Variants in MMRN2 observed in about 807,000 individuals in gnomAD.
MMRN2 encodes the protein multimerin 2, also known as multimerin-2.
A neutral mutation model predicts 68.8 loss-of-function variants in MMRN2; 53 were observed. That is an observed-to-expected ratio of 0.77 (90% confidence interval 0.62 to 0.97). MMRN2 has a LOEUF of 0.97. Ranked by LOEUF, MMRN2 falls within the 50% of genes least tolerant of loss-of-function variation. MMRN2 has a pLI of 0.00. For synonymous variants in MMRN2, 564 were observed against 551.6 expected (o/e 1.02, Z -0.32); for missense variants, 1,266 against 1,259.5 (o/e 1.01, Z -0.08).
rs750415616 is a variant in MMRN2, at chr10:86,936,887, C to A, written c.2706G>T (p.Gln902His). 10 of 1,614,244 alleles carry A rather than the reference C, an allele frequency of 6.2e-6. No homozygotes were observed. The South Asian group carries it at 8.8e-5, about 14-fold the overall frequency. ...AGACCGTTGCTGTGCTTCCACTCCCCTGCCCAGTGGTACAGACTGGAGTCC... is the reference window on the plus strand; with the variant it reads ...AGACCGTTGCTGTGCTTCCACTCCCATGCCCAGTGGTACAGACTGGAGTCC... ...HHRTPVCTTG[Q>H]GSGSTATVFA... is the part of the protein sequence containing the mutation. Residue 902 changes from glutamine (Q) to histidine (H), a missense_variant, in exon 7 of 7, where the codon CAG (glutamine) becomes CAT (histidine). Gln to His is a conservative substitution (Grantham distance 24). Coordinates refer to ENST00000372027, the MANE Select transcript of MMRN2 (RefSeq NM_024756.3).
At position 86,936,831 on chromosome 10, in the gene MMRN2, C is replaced by T. The variant is rs546562967; in HGVS notation, c.2762G>A (p.Arg921Gln). Residue 921 changes from arginine to glutamine, a missense_variant, in exon 7 of 7, where the codon CGA becomes CAA. Transcript: ENST00000372027. ...FAMAELQKGE[R>Q]VWFELTQGSI... ...TCCCTGGGTTAACTCAAACCATACT[C>T]GCTCACCCTTCTGCAGCTCAGCCAT... 14 of 1,614,216 alleles carry T rather than the reference C, an allele frequency of 8.7e-6. No individual in the cohort carries two copies. Among genetic ancestry groups the T allele is most frequent in the East Asian group, 6.7e-5 (3 of 44,890 alleles).
In MMRN2 at chr10:86,943,315, T is replaced by C; in HGVS notation, c.1469A>G (p.Lys490Arg). 2.5e-6 allele frequency: 4 copies of C among 1,613,874 alleles called. No homozygotes were observed. The highest frequency in any genetic ancestry group is 3.4e-6 in the Non-Finnish European group (4 of 1,180,000). ...GGHADLIKYV[K>R]DCNCQKLYLD... ...ATAGAGCTTCTGGCAATTGCAGTCC[T>C]TCACGTACTTGATGAGGTCGGCATG... Residue 490 changes from lysine (K) to arginine (R), a missense_variant, in exon 6 of 7, where the codon AAG (lysine) becomes AGG (arginine). Coordinates refer to ENST00000372027, the MANE Select transcript of MMRN2 (RefSeq NM_024756.3). The surrounding 1 kb of genome is among the most constrained non-coding windows in gnomAD (Gnocchi z 4.2).
chr10:86,950,006 A>T (rs1589305670), intron 1 of MMRN2: 2 of 151,972 alleles, frequency 1.3e-5, no homozygotes, highest in East Asian at 3.9e-4. Context: ...ATTTGAGACC[A>T]GCCTGGGCAA....
Position 86,944,357 on chromosome 10 carries a change from T to A in MMRN2, c.560A>T (p.Asp187Val). The change falls in exon 5 of 7, where the codon GAT becomes GTT. Residue 187 changes from aspartate to valine, a missense_variant. Asp to Val is a radical substitution (Grantham distance 152). Coordinates refer to ENST00000372027, the MANE Select transcript of MMRN2 (RefSeq NM_024756.3). ...CAGGCTGTCTGCCACCCGGTGCACA[T>A]CATTCTGGAGATCTCCCAGCAGATG... The part of the protein sequence containing the change: ...QEHLLGDLQN[D>V]VHRVADSLPG... 1 of 1,614,028 alleles carries A rather than the reference T, an allele frequency of 6.2e-7. No homozygotes were observed. Among genetic ancestry groups the A allele is most frequent in the Non-Finnish European group, 8.5e-7 (1 of 1,180,030 alleles).
chr10:86,948,403 T>A (rs1844100073), intron 1 of MMRN2, among the ~76,000 whole-genome samples: 3 of 149,092 alleles, frequency 2.0e-5, no homozygotes, highest in South Asian at 2.2e-4. Flanking sequence ...AAAAAACAAA[T>A]GAGGGGGAGA....
chr10:86,944,827 T>C (rs1453864361), intron 4 of MMRN2, among the ~76,000 whole-genome samples: 1 of 152,158 alleles, frequency 6.6e-6, no homozygotes, highest in East Asian at 1.9e-4. Flanking sequence ...CTGTGCTGAC[T>C]CCAAGACCAA....
At position 86,942,895 on chromosome 10, in the gene MMRN2, AGCG is replaced by A. The variant is rs758960911; in HGVS notation, c.1886_1888del (p.Pro629del). The A allele has an allele frequency of 3.8e-4, 555 of 1,456,108 alleles. No homozygotes were observed. The highest frequency in any genetic ancestry group is 4.9e-4 in the Non-Finnish European group (539 of 1,102,594). 90.2% of individuals were successfully genotyped at this position (1,456,108 alleles called of 1,614,324 possible). A position where few individuals can be genotyped will look rare whatever the true frequency, so the allele number is the denominator to read the frequency against. On this transcript the variant is annotated inframe_deletion, in exon 6 of 7. Transcript: ENST00000372027. ...GCGGATCTGCTCGTAGCTCAGGGGC[AGCG>A]GTCCCGGCGTCTGCTCAGACATCTC...
chr10:86,945,777 G>A, intron 1 of MMRN2, 88 bp from the exon 2 acceptor site: 2 of 1,596,096 alleles, frequency 1.3e-6, no homozygotes, highest in Non-Finnish European at 1.7e-6. Flanking sequence ...CTCGCCTCCT[G>A]CCGGAGCAGT....
chr10:86,944,335 G>A lies in MMRN2; in HGVS notation c.582C>T (p.Ser194=). 6.2e-7 allele frequency: 1 copy of A among 1,613,952 alleles called. No homozygotes were observed. Among genetic ancestry groups the A allele is most frequent in the South Asian group, 1.1e-5 (1 of 91,064 alleles). Reference sequence around the variant, plus strand: ...GCAGGGCTTTCCACAGGCCTGGCAGGCTGTCTGCCACCCGGTGCACATCAT... The same window carrying A: ...GCAGGGCTTTCCACAGGCCTGGCAGACTGTCTGCCACCCGGTGCACATCAT... The part of the protein sequence containing the change: ...LQNDVHRVAD[S]LPGLWKALPG... Residue 194 remains serine, a synonymous_variant, in exon 5 of 7, where the codon AGC becomes AGT. Coordinates refer to ENST00000372027, the MANE Select transcript of MMRN2 (RefSeq NM_024756.3).
chr10:86,937,263 C>T, intron 6 of MMRN2, 138 bp from the exon 7 acceptor site: 1 of 943,026 alleles, frequency 1.1e-6, no homozygotes, highest in Non-Finnish European at 1.5e-6. Context: ...ATATTCCCAA[C>T]AGCAGTGTTA....
In MMRN2 at chr10:86,957,373, CTT is replaced by C. The variant is rs1438828503; in HGVS notation, c.164+3_164+4del. 6.2e-7 allele frequency: 1 copy of C among 1,612,712 alleles called. No individual in the cohort carries two copies. The highest frequency in any genetic ancestry group is 8.5e-7 in the Non-Finnish European group (1 of 1,179,816). On this transcript the variant is annotated splice_donor_region_variant and intron_variant, in intron 1 of 6. Transcript: ENST00000372027. ...TGACCTCTGCCAAGGTCCAGGCCCTCTTACCGTCCTACGGGGTCCTTGCCGGT... is the reference window on the plus strand; with the variant it reads ...TGACCTCTGCCAAGGTCCAGGCCCTCACCGTCCTACGGGGTCCTTGCCGGT...
intron 6 of MMRN2, among the ~76,000 whole-genome samples, chr10:86,941,798 TAAAAAA>T (rs55898424): frequency 8.7e-6 from 1 of 115,074 alleles, no homozygotes; most frequent in African/African-American, 3.5e-5. Flanking sequence ...AGACCCATCT[TAAAAAA>T]AAAAAAAAAA....
At chr10:86,942,295 T>C (rs1564731300) in intron 6 of MMRN2, 22 bp downstream of exon 6, 1 of 1,580,180 alleles carries the variant, frequency 6.3e-7, no homozygotes, top group Non-Finnish European at 8.6e-7. Flanking sequence ...GCTCGTCCAG[T>C]CTCCCCAGCC....
At position 86,945,240 on chromosome 10, in the gene MMRN2, A is replaced by C; in HGVS notation, c.429T>G (p.Asp143Glu). Residue 143 changes from aspartate (D) to glutamate (E), a missense_variant, in exon 4 of 7, where the codon GAT (aspartate) becomes GAG (glutamate). Physicochemically the swap from Asp to Glu is conservative, Grantham distance 45. Coordinates refer to ENST00000372027, the MANE Select transcript of MMRN2 (RefSeq NM_024756.3). Reference sequence around the variant, plus strand: ...GAGGTTCCTGGTGGCTGTCACCAGGATCTGCAGGCTCAGGGATTGCCATGG... The same window carrying C: ...GAGGTTCCTGGTGGCTGTCACCAGGCTCTGCAGGCTCAGGGATTGCCATGG... ...HDSMAIPEPA[D>E]PGDSHQEPQD... 1 of 1,613,884 alleles carries C rather than the reference A, an allele frequency of 6.2e-7. No homozygotes were observed. Among genetic ancestry groups the C allele is most frequent in the Non-Finnish European group, 8.5e-7 (1 of 1,180,022 alleles).
intron 1 of MMRN2, chr10:86,948,717 G>GT (rs1844105599): frequency 6.6e-6 from 1 of 152,218 alleles, no homozygotes; most frequent in South Asian, 2.1e-4. Context: ...ATTTTGGGAG[G>GT]TTGAGGCAGG....
rs374823181 is a variant in MMRN2, at chr10:86,943,571, G to T, written c.1213C>A (p.Leu405Met). 2 of 1,614,160 alleles carry T rather than the reference G, an allele frequency of 1.2e-6. No homozygotes were observed. The highest frequency in any genetic ancestry group is 1.3e-5 in the African/African-American group (1 of 75,062). ...TTGATCTCATCCACGTGCCGGGTCA[G>T]GGTGGCCCTCATGTCCTCCAGGGTG... ...QYTLEDMRAT[L>M]TRHVDEIKEL... The change falls in exon 6 of 7, where the codon CTG (leucine) becomes ATG (methionine). Residue 405 changes from leucine to methionine, a missense_variant. By Grantham distance (15) the Leu-to-Met change is conservative (BLOSUM62 2). Transcript: ENST00000372027. The surrounding 1 kb of genome is among the most constrained non-coding windows in gnomAD (Gnocchi z 4.2).
Position 86,936,989 on chromosome 10 carries a change from A to G in MMRN2, c.2604T>C (p.Gly868=), listed in dbSNP as rs193180563. ...CAACGCTCACTGCAAACAGGTAGAC[A>G]CCACGCTCAGGGGCTCGGAAGTAGC... ...EHGYFRAPER[G]VYLFAVSVEF... is the part of the protein sequence containing the mutation. Residue 868 remains glycine, a synonymous_variant, in exon 7 of 7, where the codon GGT becomes GGC. Transcript: ENST00000372027. The G allele has an allele frequency of 3.7e-6, 6 of 1,614,172 alleles. No homozygotes were observed. Among genetic ancestry groups the G allele is most frequent in the Non-Finnish European group, 5.1e-6 (6 of 1,180,038 alleles).
At chr10:86,945,737 A>T in intron 1 of MMRN2, 48 bp from the exon 2 acceptor site, 1 of 1,612,554 alleles carries the variant, frequency 6.2e-7, no homozygotes, top group Non-Finnish European at 8.5e-7. Flanking sequence ...ACCCAGGTCA[A>T]CAGGGGGTGC....
At chr10:86,937,806 G>T (rs1191830818) in intron 6 of MMRN2, among the ~76,000 whole-genome samples, 7 of 152,160 alleles carry the variant, frequency 4.6e-5, no homozygotes, top group African/African-American at 1.7e-4. Flanking sequence ...CATCCTCAAG[G>T]TAATAATAAT....
Sources: allele counts gnomAD v4.1 joint callset (sites outside exome capture counted in the v4.1 genomes callset), GRCh38; gene constraint gnomAD v4.1.1; non-coding constraint Gnocchi (gnomAD v3.1); transcripts MANE v1.5; gene names NCBI Gene and HGNC (gene_info 2026-07-23, HGNC 2026-07-21).